The following PTPRN2 variants were observed in gnomAD, a reference collection of about 807,000 sequenced individuals.
The protein encoded by PTPRN2 is protein tyrosine phosphatase receptor type N2.
PTPRN2 carries 74 observed loss-of-function variants against 118.8 expected under a neutral mutation model. The observed-to-expected ratio is 0.62, with a 90% CI of 0.52 to 0.76. PTPRN2 has a LOEUF of 0.76. Among genes scored for constraint, PTPRN2 ranks in the 30% least tolerant of loss-of-function variants. The pLI is 0.00. For synonymous variants in PTPRN2, 641 were observed against 608.0 expected (o/e 1.05, Z -0.80); for missense variants, 1,481 against 1,394.4 (o/e 1.06, Z -0.99).
chr7:158,321,940 G>A (rs942145897), intron 2 of PTPRN2, among the ~76,000 whole-genome samples: 5 of 152,128 alleles, frequency 3.3e-5, no homozygotes, highest in East Asian at 1.9e-4. Context: ...AAACCCTTCC[G>A]GCAAACAGAC....
In PTPRN2 at chr7:157,656,619, C is replaced by G. The variant is rs1343664702; in HGVS notation, c.2002-68G>C. ...GGGACACCCAGCAGGACGAGGGCCA[C>G]GGCACCCACGTGGCACAACCCCTTC... On this transcript the variant is annotated intron_variant, in intron 13 of 22. Coordinates refer to ENST00000389418, the MANE Select transcript of PTPRN2 (RefSeq NM_002847.5). 5.8e-6 allele frequency: 8 copies of G among 1,375,690 alleles called. 1 individual carries two copies. The South Asian group carries it at 8.0e-5, about 14-fold the overall frequency. 85.2% of individuals were successfully genotyped at this position (1,375,690 alleles called of 1,614,324 possible). A position where few individuals can be genotyped will look rare whatever the true frequency, so the allele number is the denominator to read the frequency against.
At chr7:157,775,867 T>C (rs1803179872) in intron 12 of PTPRN2, among the ~76,000 whole-genome samples, 1 of 152,094 alleles carries the variant, frequency 6.6e-6, no homozygotes, top group Non-Finnish European at 1.5e-5. Context: ...GTTTGAGCCG[T>C]TTCTGTTCAT....
At chr7:158,492,132 C>A (rs77225313) in intron 1 of PTPRN2, among the ~76,000 whole-genome samples, 2 of 152,196 alleles carry the variant, frequency 1.3e-5, no homozygotes, top group African/African-American at 4.8e-5. Context: ...CACACAGAGG[C>A]GCACAGAGAA....
chr7:157,572,198 GT>G (rs966811246), intron 19 of PTPRN2, among the ~76,000 whole-genome samples: 4 of 151,420 alleles, frequency 2.6e-5, no homozygotes, highest in East Asian at 1.9e-4. Flanking sequence ...AAATCCAGGT[GT>G]TTTTTTTTAA....
intron 11 of PTPRN2, among the ~76,000 whole-genome samples, chr7:158,054,112 C>T (rs1485014475): frequency 2.0e-5 from 3 of 151,946 alleles, no homozygotes; most frequent in Non-Finnish European, 4.4e-5. Flanking sequence ...GGAGAGACCC[C>T]AGAGATGCAG....
At chr7:158,033,843 C>G (rs1019120766) in intron 11 of PTPRN2, among the ~76,000 whole-genome samples, 1 of 148,862 alleles carries the variant, frequency 6.7e-6, no homozygotes, top group South Asian at 2.1e-4. Flanking sequence ...CACTGAGGCC[C>G]GGGTGAGCAT....
At chr7:158,543,866 C>T (rs1462205700) in intron 1 of PTPRN2, among the ~76,000 whole-genome samples, 3 of 152,266 alleles carry the variant, frequency 2.0e-5, no homozygotes, top group African/African-American at 7.2e-5. Flanking sequence ...AGGGGTCAGC[C>T]TCCCGGCTAA....
Position 157,888,958 on chromosome 7 carries a change from G to A in PTPRN2, c.1788+9715C>T, listed in dbSNP as rs79222091. Among the ~76,000 whole-genome samples the A allele has an allele frequency of 5.4e-4, 82 of 152,278 alleles. No individual in the cohort carries two copies. The East Asian group carries it at 9.3e-3, about 17-fold the overall frequency. ...AATTGGCTTTTATAATTACCCAGAC[G>A]TAACCACCAGGGGAAAACCTCACTG... On this transcript the variant is annotated intron_variant, in intron 12 of 22. Coordinates refer to ENST00000389418, the MANE Select transcript of PTPRN2 (RefSeq NM_002847.5).
chr7:158,425,185 G>A (rs1308048620), intron 2 of PTPRN2, among the ~76,000 whole-genome samples: 2 of 34,756 alleles, frequency 5.8e-5, no homozygotes, highest in African/African-American at 1.5e-4. Context: ...CAGTCTAGCT[G>A]AGGCCTGCGC....
At chr7:157,812,941 G>A (rs1806148815) in intron 12 of PTPRN2, among the ~76,000 whole-genome samples, 1 of 152,144 alleles carries the variant, frequency 6.6e-6, no homozygotes, top group Non-Finnish European at 1.5e-5. Context: ...TGGTTTAGAA[G>A]TCCCTAAGCC....
intron 12 of PTPRN2, among the ~76,000 whole-genome samples, chr7:157,825,181 A>C (rs1807091894): frequency 6.6e-6 from 1 of 152,186 alleles, no homozygotes; most frequent in Non-Finnish European, 1.5e-5. Flanking sequence ...GTTCTGGCCA[A>C]GGCAACCCAA....
At chr7:158,512,456 T>C (rs1016482685) in intron 1 of PTPRN2, among the ~76,000 whole-genome samples, 1 of 152,138 alleles carries the variant, frequency 6.6e-6, no homozygotes, top group Non-Finnish European at 1.5e-5. Flanking sequence ...AGCTCATGGT[T>C]AGCTTGGTAT....
At chr7:157,976,853 A>G (rs1026979878) in intron 11 of PTPRN2, among the ~76,000 whole-genome samples, 6 of 151,914 alleles carry the variant, frequency 3.9e-5, no homozygotes, top group African/African-American at 1.4e-4. Flanking sequence ...GTGTGGTAGC[A>G]TTTTACTAAG....
intron 12 of PTPRN2, among the ~76,000 whole-genome samples, chr7:157,897,893 G>T (rs1466535671): frequency 1.3e-5 from 2 of 152,286 alleles, no homozygotes; most frequent in African/African-American, 4.8e-5. Flanking sequence ...CCGAAATCTC[G>T]AACGCGGGAG....
At chr7:157,545,054 G>T (rs111219264) in intron 22 of PTPRN2, among the ~76,000 whole-genome samples, 1,847 of 150,634 alleles carry the variant, frequency 0.012, 29 homozygotes, top group Non-Finnish European at 0.019. Flanking sequence ...AGGTGTGTGG[G>T]TGTGTGCAGT....
intron 21 of PTPRN2, among the ~76,000 whole-genome samples, chr7:157,552,098 C>G (rs546201825): frequency 6.6e-6 from 1 of 151,168 alleles, no homozygotes; most frequent in Non-Finnish European, 1.5e-5. Flanking sequence ...ACCATGCACT[C>G]TATGGCCACT....
intron 5 of PTPRN2, among the ~76,000 whole-genome samples, chr7:158,190,972 A>G (rs984071887): frequency 2.0e-5 from 3 of 152,258 alleles, no homozygotes; most frequent in African/African-American, 2.4e-5. Context: ...CTGCTAAGAC[A>G]CAGAAGTGCC....
chr7:158,390,759 C>T (rs904739264), intron 2 of PTPRN2, among the ~76,000 whole-genome samples: 3 of 152,258 alleles, frequency 2.0e-5, no homozygotes, highest in South Asian at 4.1e-4. Flanking sequence ...CAAGCCTTCT[C>T]TTCTCGCGCA....
chr7:158,193,665 G>A (rs1196491651), intron 4 of PTPRN2, among the ~76,000 whole-genome samples: 3 of 152,012 alleles, frequency 2.0e-5, no homozygotes, highest in Non-Finnish European at 4.4e-5. Flanking sequence ...GATGGGCATG[G>A]CCCTCCCTGC....
Sources: allele counts gnomAD v4.1 joint callset (sites outside exome capture counted in the v4.1 genomes callset), GRCh38; gene constraint gnomAD v4.1.1; transcripts MANE v1.5; gene names NCBI Gene and HGNC (gene_info 2026-07-23, HGNC 2026-07-21).